The following RBFOX1 variants were observed in gnomAD, a reference collection of about 807,000 sequenced individuals.
RBFOX1 encodes the protein RNA binding fox-1 homolog 1, also known as RNA binding protein fox-1 homolog 1.
In RBFOX1, 8 loss-of-function variants were observed where a neutral mutation model predicts 57.7. The observed-to-expected ratio is 0.14, with a 90% CI of 0.08 to 0.25. RBFOX1 has a LOEUF of 0.25. RBFOX1 is among the 10% of genes least tolerant of loss of function. RBFOX1 has a pLI of 1.00. For missense variants in RBFOX1, 611 were observed against 548.5 expected (o/e 1.11, Z -1.14); for synonymous variants, 326 against 222.4 (o/e 1.47, Z -4.15).
chr16:6,736,311 C>G (rs1224716700), intron 3 of RBFOX1, among the ~76,000 whole-genome samples: 2 of 152,126 alleles, frequency 1.3e-5, no homozygotes, highest in South Asian at 2.1e-4. Context: ...CCTCACCCCT[C>G]TACTCTTCCC....
At chr16:6,014,072 C>G (rs2094978581), upstream of RBFOX1, among the ~76,000 whole-genome samples, 1 of 152,046 alleles carries the variant, frequency 6.6e-6, no homozygotes, top group African/African-American at 2.4e-5. Context: ...CGTAACAAAC[C>G]TGCACGTTGT....
chr16:6,531,107 A>G (rs1362332), intron 2 of RBFOX1, among the ~76,000 whole-genome samples: 64,539 of 151,832 alleles, frequency 0.43, 16,743 homozygotes, highest in Non-Finnish European at 0.58. Context: ...GTGACAGTCA[A>G]GTCACTTGTG....
At chr16:7,215,042 G>C (rs1429072428) in intron 4 of RBFOX1, among the ~76,000 whole-genome samples, 1 of 152,076 alleles carries the variant, frequency 6.6e-6, no homozygotes, top group Admixed American at 6.6e-5. Context: ...TTGTCCTAAT[G>C]CTCTCCCTCT....
chr16:6,458,631 C>G (rs2795574), intron 2 of RBFOX1, among the ~76,000 whole-genome samples: 126,198 of 152,256 alleles, frequency 0.83, 52,392 homozygotes, highest in East Asian at 0.93. Context: ...TGATCAAACT[C>G]TTCCTGACCA....
intron 4 of RBFOX1, among the ~76,000 whole-genome samples, chr16:7,140,204 C>T (rs372071169): frequency 4.1e-5 from 6 of 146,620 alleles, no homozygotes; most frequent in Non-Finnish European, 9.0e-5. Context: ...CCCTCCTTCT[C>T]CCTCCCAATT....
intron 3 of RBFOX1, among the ~76,000 whole-genome samples, chr16:5,738,549 G>A (rs1033895173): frequency 2.0e-5 from 3 of 147,894 alleles, no homozygotes; most frequent in African/African-American, 5.0e-5. Flanking sequence ...CAGGAGAATC[G>A]CTTGAATCTG....
chr16:6,653,975 G>A (rs1218170351), intron 2 of RBFOX1, among the ~76,000 whole-genome samples: 1 of 50,948 alleles, frequency 2.0e-5, no homozygotes, highest in Middle Eastern at 0.015. Flanking sequence ...TTGGACGGAT[G>A]GATGGATGGA....
chr16:7,155,712 A>AAAAAAAT (rs1195367029), intron 4 of RBFOX1, among the ~76,000 whole-genome samples: 1 of 77,420 alleles, frequency 1.3e-5, no homozygotes, highest in African/African-American at 6.7e-5. Context: ...AAAAAAAAAA[A>AAAAAAAT]ATATATATAT....
chr16:5,491,932 G>A (rs1431005153), intron 2 of RBFOX1, among the ~76,000 whole-genome samples: 2 of 152,220 alleles, frequency 1.3e-5, no homozygotes, highest in African/African-American at 4.8e-5. Context: ...ATGTAAGTTG[G>A]TCTGGGGTGG....
At chr16:6,878,471 C>G (rs117035806) in intron 3 of RBFOX1, among the ~76,000 whole-genome samples, 2,727 of 152,276 alleles carry the variant, frequency 0.018, 46 homozygotes, top group African/African-American at 0.024. Context: ...CTCTTACCAC[C>G]AAATCCATGA....
intron 9 of RBFOX1, among the ~76,000 whole-genome samples, chr16:7,599,849 C>T (rs1269657052): frequency 6.6e-6 from 1 of 151,384 alleles, no homozygotes; most frequent in Non-Finnish European, 1.5e-5. Flanking sequence ...GTTGCCCAGG[C>T]TGGTCTCGAA....
At chr16:6,904,961 T>C (rs1018557329) in intron 3 of RBFOX1, among the ~76,000 whole-genome samples, 2 of 152,172 alleles carry the variant, frequency 1.3e-5, no homozygotes, top group African/African-American at 4.8e-5. Context: ...GCAGTGGGGA[T>C]GAAGCCTCCC....
intron 2 of RBFOX1, among the ~76,000 whole-genome samples, chr16:6,514,392 C>T (rs1030350088): frequency 6.6e-6 from 1 of 152,174 alleles, no homozygotes; most frequent in Non-Finnish European, 1.5e-5. Flanking sequence ...AGTCGACTTT[C>T]TTTTGCCCAC....
At chr16:6,949,989 C>T (rs1302976574) in intron 3 of RBFOX1, among the ~76,000 whole-genome samples, 1 of 151,546 alleles carries the variant, frequency 6.6e-6, no homozygotes, top group Non-Finnish European at 1.5e-5. Flanking sequence ...CTCTGTTGCC[C>T]AGGCTGGAGT....
chr16:5,568,738 A>G (rs1056558655), intron 2 of RBFOX1, among the ~76,000 whole-genome samples: 2 of 152,182 alleles, frequency 1.3e-5, no homozygotes, highest in African/African-American at 4.8e-5. Flanking sequence ...CGATGGTCTT[A>G]AGAATCCATG....
intron 3 of RBFOX1, among the ~76,000 whole-genome samples, chr16:7,027,303 C>G (rs375112758): frequency 1.3e-5 from 2 of 152,182 alleles, no homozygotes; most frequent in Non-Finnish European, 2.9e-5. Flanking sequence ...TTAATTACAT[C>G]TATTTTATTT....
intron 4 of RBFOX1, among the ~76,000 whole-genome samples, chr16:7,341,736 TTCCCTCCCTCCC>T (rs1166119622): frequency 2.8e-5 from 2 of 71,958 alleles, no homozygotes; most frequent in Non-Finnish European, 5.5e-5. Flanking sequence ...CCCTCCCTCC[TTCCCTCCCTCCC>T]TCCCTCCTTC....
chr16:7,621,863 A>G (rs2059368150), intron 10 of RBFOX1, among the ~76,000 whole-genome samples: 1 of 152,208 alleles, frequency 6.6e-6, no homozygotes, highest in South Asian at 2.1e-4. Context: ...TGCAGGCCAT[A>G]AGGTCTCTGT....
chr16:6,799,027 A>AG lies in RBFOX1; in HGVS notation c.-16+144380dup, dbSNP rs746148343. ...TGGGTATATTTTGTTGCCATCCAGG[A>AG]GGGAGACTGGGCAGAAAATTAGGCT... On this transcript the variant is annotated intron_variant, in intron 3 of 15. Transcript: ENST00000550418. Among the ~76,000 whole-genome samples the AG allele has an allele frequency of 2.6e-5, 4 of 152,218 alleles. No individual in the cohort carries two copies. The East Asian group carries it at 7.7e-4, about 29-fold the overall frequency.
Sources: allele counts gnomAD v4.1 joint callset (sites outside exome capture counted in the v4.1 genomes callset), GRCh38; gene constraint gnomAD v4.1.1; transcripts MANE v1.5; gene names NCBI Gene and HGNC (gene_info 2026-07-23, HGNC 2026-07-21).